The following ZNG1B variants were observed in gnomAD, a reference collection of about 807,000 sequenced individuals.
The protein encoded by ZNG1B is zinc-regulated GTPase metalloprotein activator 1B.
At chr2:113,472,445 C>A in the ZNG1B span, among the ~76,000 whole-genome samples, 451 of 151,800 alleles carry the variant, frequency 3.0e-3, 5 homozygotes, top group African/African-American at 0.01. Flanking sequence ...TGCCTGTTCA[C>A]TCTGATGGTA....
the ZNG1B span, among the ~76,000 whole-genome samples, chr2:113,460,238 T>C: frequency 0.054 from 8,148 of 150,090 alleles, 751 homozygotes; most frequent in African/African-American, 0.19. Flanking sequence ...AAGGGAAGTA[T>C]ATTAGATTCT....
chr2:113,458,464 G>T, the ZNG1B span, among the ~76,000 whole-genome samples: 1 of 150,394 alleles, frequency 6.6e-6, no homozygotes, highest in East Asian at 2.0e-4. Flanking sequence ...GTAAATATTG[G>T]CAGGCTCTCA....
At chr2:113,451,020 G>T in the ZNG1B span, among the ~76,000 whole-genome samples, 16 of 151,890 alleles carry the variant, frequency 1.1e-4, no homozygotes, top group African/African-American at 3.9e-4. Flanking sequence ...GACATCATTC[G>T]ACCTCAGACC....
chr2:113,487,678 G>A, the ZNG1B span, among the ~76,000 whole-genome samples: 7 of 151,024 alleles, frequency 4.6e-5, no homozygotes, highest in Non-Finnish European at 5.9e-5. Flanking sequence ...ATGTCCTCAA[G>A]ATTCATCCAT....
the ZNG1B span, chr2:113,469,446 A>T: frequency 6.8e-6 from 1 of 146,368 alleles, no homozygotes. Context: ...GTCAATATAA[A>T]TATGCTCAGT....
At chr2:113,473,148 C>G in the ZNG1B span, among the ~76,000 whole-genome samples, 4 of 150,922 alleles carry the variant, frequency 2.7e-5, no homozygotes, top group African/African-American at 4.9e-5. Flanking sequence ...TGTTTGTATC[C>G]TCTTTTATTT....
the ZNG1B span, among the ~76,000 whole-genome samples, chr2:113,468,107 T>C: frequency 6.6e-6 from 1 of 151,684 alleles, no homozygotes; most frequent in African/African-American, 2.4e-5. Context: ...GAAAATGTGA[T>C]TAGTTTTGTA....
chr2:113,463,411 A>G, the ZNG1B span, among the ~76,000 whole-genome samples: 1 of 152,202 alleles, frequency 6.6e-6, no homozygotes, highest in African/African-American at 2.4e-5. Flanking sequence ...ATCTCAGTTC[A>G]TATAGTATAT....
At chr2:113,444,256 A>G in the ZNG1B span, 38 of 302,448 alleles carry the variant, frequency 1.3e-4, 1 homozygote, top group South Asian at 6.8e-4. Context: ...CTACTAGTTA[A>G]GTTTTCAAGG....
chr2:113,444,964 G>A, the ZNG1B span: 1 of 1,610,194 alleles, frequency 6.2e-7, no homozygotes, highest in Non-Finnish European at 8.5e-7. Flanking sequence ...TATTCTCCAG[G>A]GACAATGGCC....
the ZNG1B span, among the ~76,000 whole-genome samples, chr2:113,463,983 G>A: frequency 3.3e-5 from 5 of 152,098 alleles, no homozygotes; most frequent in Non-Finnish European, 2.9e-5. Context: ...GTGTACCATT[G>A]TGATTGCTAA....
At chr2:113,489,456 C>A in the ZNG1B span, among the ~76,000 whole-genome samples, 4 of 151,884 alleles carry the variant, frequency 2.6e-5, no homozygotes, top group African/African-American at 7.3e-5. Context: ...ACAACAAAAA[C>A]CAGAAAAACA....
At chr2:113,456,413 A>G in the ZNG1B span, among the ~76,000 whole-genome samples, 2 of 150,248 alleles carry the variant, frequency 1.3e-5, no homozygotes, top group African/African-American at 4.9e-5. Context: ...TTATTACAAA[A>G]TTTGATATAC....
chr2:113,460,975 T>G, the ZNG1B span, among the ~76,000 whole-genome samples: 1 of 149,748 alleles, frequency 6.7e-6, no homozygotes, highest in African/African-American at 2.4e-5. Flanking sequence ...TCGGGAAATA[T>G]TAACATTTAA....
the ZNG1B span, among the ~76,000 whole-genome samples, chr2:113,493,170 C>G: frequency 2.3e-5 from 3 of 132,666 alleles, 1 homozygote; most frequent in Non-Finnish European, 4.8e-5. Context: ...GAACTCTTCT[C>G]CTCTTGGCAC....
At chr2:113,446,406 A>T in the ZNG1B span, among the ~76,000 whole-genome samples, 3 of 152,218 alleles carry the variant, frequency 2.0e-5, no homozygotes, top group Non-Finnish European at 2.9e-5. Flanking sequence ...TAAATACCTA[A>T]AAAATACAAA....
chr2:113,440,543 T>C, the ZNG1B span, among the ~76,000 whole-genome samples: 9 of 152,246 alleles, frequency 5.9e-5, no homozygotes, highest in African/African-American at 2.2e-4. Context: ...TAAGCCTTCA[T>C]CTCTTAAAAA....
the ZNG1B span, among the ~76,000 whole-genome samples, chr2:113,456,801 A>G: frequency 6.6e-6 from 1 of 152,196 alleles, no homozygotes; most frequent in Non-Finnish European, 1.5e-5. Flanking sequence ...CAACTTGTCC[A>G]ATTCCTCTGG....
chr2:113,485,038 C>T, the ZNG1B span, among the ~76,000 whole-genome samples: 1 of 147,280 alleles, frequency 6.8e-6, no homozygotes, highest in Non-Finnish European at 1.5e-5. Context: ...CCTTCTAACT[C>T]CCACTCAGGT....
Sources: allele counts gnomAD v4.1 joint callset (sites outside exome capture counted in the v4.1 genomes callset), GRCh38; gene constraint gnomAD v4.1.1; transcripts MANE v1.5; gene names NCBI Gene and HGNC (gene_info 2026-07-23, HGNC 2026-07-21).